The following TAFA1 variants were observed in gnomAD, a reference collection of about 807,000 sequenced individuals.
The protein encoded by TAFA1 is chemokine-like protein TAFA-1.
A neutral mutation model predicts 18.5 loss-of-function variants in TAFA1; 4 were observed. The observed-to-expected ratio is 0.22, with a 90% CI of 0.11 to 0.49. The LOEUF (loss-of-function observed/expected upper bound fraction) is 0.49. TAFA1 is among the 20% of genes least tolerant of loss of function. The probability of loss-of-function intolerance (pLI) is 0.98; values close to 1 mark genes in which losing one functional copy is unlikely to be tolerated. For missense variants in TAFA1, 147 were observed against 169.0 expected, an observed-to-expected ratio of 0.87 and a Z score of 0.72; for synonymous variants, 56 against 55.2, an observed-to-expected ratio of 1.01 and a Z score of -0.06.
chr3:68,285,739 T>C (rs1447375370), intron 2 of TAFA1, among the ~76,000 whole-genome samples: 1 of 152,160 alleles, frequency 6.6e-6, no homozygotes, highest in Non-Finnish European at 1.5e-5. Context: ...TTTTTAAATG[T>C]GAAAAGATTT....
chr3:68,460,029 A>G (rs553115766), intron 3 of TAFA1, among the ~76,000 whole-genome samples: 1 of 152,306 alleles, frequency 6.6e-6, no homozygotes, highest in African/African-American at 2.4e-5. Flanking sequence ...ATCATCTCTG[A>G]AAGAATTACT....
intron 2 of TAFA1, among the ~76,000 whole-genome samples, chr3:68,400,127 T>C (rs1575835041): frequency 6.6e-6 from 1 of 152,126 alleles, no homozygotes; most frequent in Non-Finnish European, 1.5e-5. Context: ...TTTGGCCAGG[T>C]CACAATCCCA....
intron 2 of TAFA1, among the ~76,000 whole-genome samples, chr3:68,036,866 T>G (rs1331442998): frequency 6.6e-6 from 1 of 152,200 alleles, no homozygotes; most frequent in Non-Finnish European, 1.5e-5. Flanking sequence ...TTTTGAATAC[T>G]TTCTTGCCAC....
intron 4 of TAFA1, among the ~76,000 whole-genome samples, chr3:68,539,926 G>A (rs1287662615): frequency 2.0e-5 from 3 of 151,978 alleles, no homozygotes; most frequent in Admixed American, 2.0e-4. Context: ...TACCCAGCCT[G>A]TGGAGTATTT....
chr3:68,544,543 G>C lies in TAFA1; in HGVS notation c.*40G>C. 6.2e-7 allele frequency: 1 copy of C among 1,605,264 alleles called. No individual in the cohort carries two copies. Among genetic ancestry groups the C allele is most frequent in the Non-Finnish European group, 8.5e-7 (1 of 1,172,864 alleles). On this transcript the variant is annotated 3_prime_UTR_variant, in exon 5 of 5. Transcript: ENST00000478136. Reference sequence around the variant, plus strand: ...GTAGTAAAGGAAAACCAACCCTCTGGAAAATACATTTTGAGAATCTCAAAC... The same window carrying C: ...GTAGTAAAGGAAAACCAACCCTCTGCAAAATACATTTTGAGAATCTCAAAC...
At chr3:68,075,877 C>T (rs1040615221) in intron 2 of TAFA1, among the ~76,000 whole-genome samples, 1 of 151,878 alleles carries the variant, frequency 6.6e-6, no homozygotes. Context: ...TTGCATTTTT[C>T]GCAGAGATGG....
At chr3:68,404,755 C>T (rs538439179) in intron 2 of TAFA1, among the ~76,000 whole-genome samples, 1 of 151,826 alleles carries the variant, frequency 6.6e-6, no homozygotes, top group South Asian at 2.1e-4. Context: ...TGAGATTGTG[C>T]CACTGCACTC....
At chr3:68,534,331 C>G (rs561661688) in intron 3 of TAFA1, among the ~76,000 whole-genome samples, 2 of 152,272 alleles carry the variant, frequency 1.3e-5, no homozygotes, top group East Asian at 1.9e-4. Context: ...GTTCCAAGCC[C>G]CTATTCTTTC....
At chr3:68,400,225 C>A (rs2070461231) in intron 2 of TAFA1, among the ~76,000 whole-genome samples, 1 of 152,014 alleles carries the variant, frequency 6.6e-6, no homozygotes, top group Non-Finnish European at 1.5e-5. Flanking sequence ...TGTGCTGTTA[C>A]CAAAAGAGGG....
At chr3:68,197,384 T>C (rs536859802) in intron 2 of TAFA1, among the ~76,000 whole-genome samples, 5 of 151,768 alleles carry the variant, frequency 3.3e-5, no homozygotes, top group African/African-American at 1.2e-4. Flanking sequence ...AGATCAGGTG[T>C]ATCTTTTAGA....
At chr3:68,516,687 G>C (rs1176713743) in intron 3 of TAFA1, among the ~76,000 whole-genome samples, 1 of 152,212 alleles carries the variant, frequency 6.6e-6, no homozygotes. Flanking sequence ...TGTTCAGTGC[G>C]TAGGGGTCAT....
chr3:68,120,205 CTTTCT>C (rs2065377572), intron 2 of TAFA1, among the ~76,000 whole-genome samples: 2 of 108,014 alleles, frequency 1.9e-5, no homozygotes, highest in Non-Finnish European at 3.7e-5. Flanking sequence ...TTCTTTCTTT[CTTTCT>C]TTCTTTCTTT....
chr3:68,242,162 G>A (rs1575700884), intron 2 of TAFA1, among the ~76,000 whole-genome samples: 1 of 152,060 alleles, frequency 6.6e-6, no homozygotes, highest in Non-Finnish European at 1.5e-5. Context: ...AAATGAATGA[G>A]CTTAGGAGAT....
upstream of TAFA1, among the ~76,000 whole-genome samples, chr3:68,003,946 A>G (rs1370196469): frequency 6.6e-6 from 1 of 152,204 alleles, no homozygotes; most frequent in African/African-American, 2.4e-5. Flanking sequence ...AAAGAACATT[A>G]AGAGGTAAGA....
intron 2 of TAFA1, among the ~76,000 whole-genome samples, chr3:68,035,593 A>G (rs1705029592): frequency 6.6e-6 from 1 of 152,248 alleles, no homozygotes; most frequent in East Asian, 1.9e-4. Flanking sequence ...ATGGGAATAA[A>G]AAATGACACA....
intron 2 of TAFA1, among the ~76,000 whole-genome samples, chr3:68,309,649 C>A (rs747624146): frequency 3.3e-5 from 5 of 152,190 alleles, no homozygotes; most frequent in Non-Finnish European, 7.4e-5. Flanking sequence ...GGATTTGTAT[C>A]ATTTAGGATT....
chr3:68,140,070 C>T (rs1254375518), intron 2 of TAFA1, among the ~76,000 whole-genome samples: 1 of 152,182 alleles, frequency 6.6e-6, no homozygotes, highest in South Asian at 2.1e-4. Context: ...TGCTCAGTTT[C>T]ACTCTTGCAT....
At chr3:68,131,960 A>G (rs2065544555) in intron 2 of TAFA1, among the ~76,000 whole-genome samples, 1 of 151,902 alleles carries the variant, frequency 6.6e-6, no homozygotes, top group Admixed American at 6.6e-5. Flanking sequence ...TACACGTGCC[A>G]TGGTGGTTTG....
At chr3:68,323,653 G>A (rs556098732) in intron 2 of TAFA1, among the ~76,000 whole-genome samples, 1 of 152,308 alleles carries the variant, frequency 6.6e-6, no homozygotes, top group African/African-American at 2.4e-5. Context: ...CAGTCAGATA[G>A]TGAACCAAAT....
Sources: gnomAD v4.1 joint callset for allele counts (sites outside exome capture counted in the v4.1 genomes callset) on GRCh38, gnomAD v4.1.1 for gene constraint, MANE v1.5 for transcripts, NCBI Gene and HGNC (gene_info 2026-07-23, HGNC 2026-07-21) for gene names.